CDH11: variants seen among roughly 807,000 people sequenced by gnomAD.
CDH11 encodes cadherin-11.
A neutral mutation model predicts 67.8 loss-of-function variants in CDH11; 11 were observed. That is an observed-to-expected ratio of 0.16 (90% CI 0.10 to 0.27). The LOEUF is 0.27. CDH11 is among the 10% of genes least tolerant of loss of function. CDH11 has a pLI of 1.00. For synonymous variants in CDH11, 419 were observed against 400.0 expected (o/e 1.05, Z -0.57); for missense variants, 847 against 1,031.2 (o/e 0.82, Z 2.45).
At chr16:65,108,094 C>T (rs1380942912) in intron 1 of CDH11, among the ~76,000 whole-genome samples, 1 of 152,130 alleles carries the variant, frequency 6.6e-6, no homozygotes, top group Non-Finnish European at 1.5e-5. Flanking sequence ...CTAGGCACGT[C>T]TCTCTGTAAG....
chr16:64,987,549 T>TA (rs11374076), intron 7 of CDH11: 9,079 of 152,192 alleles, frequency 0.06, 628 homozygotes, highest in African/African-American at 0.17. Context: ...TGAGCGCATG[T>TA]AAAAAAGAAG....
rs181438398 is a variant in CDH11, at chr16:64,982,397, C to T, written c.1000-96G>A. 1.1e-3 allele frequency: 986 copies of T among 924,228 alleles called. 2 individuals are homozygous for T. The highest frequency in any genetic ancestry group is 1.5e-3 in the Non-Finnish European group (916 of 602,120). The allele number at this position is 924,228 out of a possible 1,614,324, so 57.3% of individuals were successfully genotyped here. A position where few individuals can be genotyped will look rare whatever the true frequency, so the allele number is the denominator to read the frequency against. On this transcript the variant is annotated intron_variant, in intron 7 of 12. Coordinates refer to ENST00000268603, the MANE Select transcript of CDH11 (RefSeq NM_001797.4). ...TTTATAGGGACGAGTGAATATTCCT[C>T]AAAGAGAGAAAATCAGAGTCTACTC...
chr16:64,994,662 C>A (rs774384882), intron 4 of CDH11, among the ~76,000 whole-genome samples: 1 of 152,150 alleles, frequency 6.6e-6, no homozygotes, highest in Non-Finnish European at 1.5e-5. Context: ...GACAAGGATG[C>A]CCACTCTCAC....
chr16:65,022,253 A>G (rs2073443616), intron 2 of CDH11, among the ~76,000 whole-genome samples: 1 of 152,226 alleles, frequency 6.6e-6, no homozygotes, highest in African/African-American at 2.4e-5. Flanking sequence ...TTAAAAAAAA[A>G]AAACTTGTTT....
chr16:65,019,001 T>C lies in CDH11; in HGVS notation c.-172-13960A>G, dbSNP rs538450073. Among the ~76,000 whole-genome samples, 3 of 152,332 alleles carry C rather than the reference T, an allele frequency of 2.0e-5. No individual in the cohort carries two copies. The East Asian group carries it at 5.8e-4, about 29-fold the overall frequency. On this transcript the variant is annotated intron_variant, in intron 2 of 12. Coordinates refer to ENST00000268603, the MANE Select transcript of CDH11 (RefSeq NM_001797.4). ...TTTAACATAACAGTTATGGGTATTATTGTTCACATTCACTAATTCATGTCA... is the reference window on the plus strand; with the variant it reads ...TTTAACATAACAGTTATGGGTATTACTGTTCACATTCACTAATTCATGTCA...
chr16:64,967,868 T>C (rs1340584208), intron 11 of CDH11, among the ~76,000 whole-genome samples: 2 of 152,176 alleles, frequency 1.3e-5, no homozygotes, highest in East Asian at 3.8e-4. Flanking sequence ...AATTATAAAC[T>C]TCTTTGCAAA....
At chr16:64,985,479 A>G (rs1017096961) in intron 7 of CDH11, 2 of 151,950 alleles carry the variant, frequency 1.3e-5, no homozygotes, top group African/African-American at 4.8e-5. Flanking sequence ...CATTGATACT[A>G]GCCCATCATG....
chr16:64,994,109 C>T (rs904251684), intron 4 of CDH11, among the ~76,000 whole-genome samples: 18 of 152,152 alleles, frequency 1.2e-4, no homozygotes, highest in African/African-American at 3.9e-4. Flanking sequence ...GTTTACACAG[C>T]CTATCACTAC....
In CDH11 at chr16:64,965,382, GA is replaced by G. The variant is rs925946932; in HGVS notation, c.1642+6196del. Among the ~76,000 whole-genome samples the G allele has an allele frequency of 1.3e-4, 19 of 151,348 alleles. No homozygotes were observed. The East Asian group carries it at 1.9e-3, about 16-fold the overall frequency. Reference sequence around the variant, plus strand: ...GGGCAACAGAGCAAGACTCCATCTCGAAAAAAAACCTTTTTGCTAAAAACTA... The same window carrying G: ...GGGCAACAGAGCAAGACTCCATCTCGAAAAAAACCTTTTTGCTAAAAACTA... On this transcript the variant is annotated intron_variant, in intron 11 of 12. Coordinates refer to ENST00000268603, the MANE Select transcript of CDH11 (RefSeq NM_001797.4).
chr16:64,962,863 G>C (rs779545856), intron 11 of CDH11, among the ~76,000 whole-genome samples: 21 of 152,010 alleles, frequency 1.4e-4, no homozygotes, highest in Non-Finnish European at 2.6e-4. Context: ...GCAAAGGAGG[G>C]AGAAAAAAAC....
rs147700115 is a variant in CDH11 at position 65,078,355 on chromosome 16, T to C, written c.-297-24427A>G. On this transcript the variant is annotated intron_variant, in intron 1 of 12. Coordinates refer to ENST00000268603, the MANE Select transcript of CDH11 (RefSeq NM_001797.4). ...AACGTTCTGCCTTTTGCTTGAGACA[T>C]GTGATACATTCGTGCTTCTGGTGGC... Among the ~76,000 whole-genome samples the C allele has an allele frequency of 4.8e-3, 735 of 152,272 alleles. 2 individuals carry two copies. Among genetic ancestry groups the C allele is most frequent in the African/African-American group, 0.017 (700 of 41,576 alleles).
chr16:65,067,849 T>G (rs1317380747), intron 1 of CDH11, among the ~76,000 whole-genome samples: 2 of 96,726 alleles, frequency 2.1e-5, no homozygotes, highest in Non-Finnish European at 3.9e-5. Context: ...GGAGGATGAA[T>G]TGGAGAAAGG....
intron 1 of CDH11, among the ~76,000 whole-genome samples, chr16:65,091,439 C>T (rs1005604093): frequency 6.6e-6 from 1 of 152,154 alleles, no homozygotes; most frequent in Non-Finnish European, 1.5e-5. Flanking sequence ...TGCTGTTGAT[C>T]GTACCTCAGC....
At chr16:64,977,132 C>G (rs1309720265) in intron 8 of CDH11, among the ~76,000 whole-genome samples, 1 of 151,866 alleles carries the variant, frequency 6.6e-6, no homozygotes, top group African/African-American at 2.4e-5. Context: ...GCAGGGAGCT[C>G]AAGTCTTCAG....
At chr16:65,087,557 C>T (rs938862298) in intron 1 of CDH11, among the ~76,000 whole-genome samples, 3 of 152,084 alleles carry the variant, frequency 2.0e-5, no homozygotes, top group Non-Finnish European at 4.4e-5. Context: ...AAATTAAAAA[C>T]CCTACTGTTG....
chr16:65,097,281 T>G (rs923126460), intron 1 of CDH11, among the ~76,000 whole-genome samples: 2 of 152,248 alleles, frequency 1.3e-5, no homozygotes, highest in Admixed American at 1.3e-4. Flanking sequence ...TGGGTCATGC[T>G]GGACAAATTA....
chr16:65,052,591 C>T (rs934130004), intron 2 of CDH11, among the ~76,000 whole-genome samples: 2 of 152,008 alleles, frequency 1.3e-5, no homozygotes, highest in Non-Finnish European at 2.9e-5. Context: ...AAAACAGTGG[C>T]CCTTCCCATT....
chr16:64,969,772 C>T (rs2071950284), intron 11 of CDH11, among the ~76,000 whole-genome samples: 1 of 151,252 alleles, frequency 6.6e-6, no homozygotes, highest in South Asian at 2.1e-4. Flanking sequence ...CTGTTCAATT[C>T]AGCTCAGTAC....
intron 2 of CDH11, among the ~76,000 whole-genome samples, chr16:65,017,489 A>C (rs1166651919): frequency 6.6e-6 from 1 of 152,164 alleles, no homozygotes; most frequent in Non-Finnish European, 1.5e-5. Flanking sequence ...TGAATCTTGT[A>C]AAAAATGGAA....
Sources: allele counts gnomAD v4.1 joint callset (sites outside exome capture counted in the v4.1 genomes callset), GRCh38; gene constraint gnomAD v4.1.1; transcripts MANE v1.5; gene names NCBI Gene and HGNC (gene_info 2026-07-23, HGNC 2026-07-21).